RIMS1: variants seen among roughly 807,000 people sequenced by gnomAD.
RIMS1 encodes the protein regulating synaptic membrane exocytosis 1.
A neutral mutation model predicts 214.1 loss-of-function variants in RIMS1; 83 were observed. The ratio of observed to expected loss-of-function variants is 0.39; its 90% CI spans 0.32 to 0.47. The LOEUF (loss-of-function observed/expected upper bound fraction) is 0.47, where lower values mean the gene tolerates loss of function less well. Among genes scored for constraint, RIMS1 ranks in the 20% least tolerant of loss-of-function variants. The pLI is 0.99. For missense variants in RIMS1, 2,050 were observed against 2,161.8 expected (o/e 0.95, Z 1.03); for synonymous variants, 793 against 786.8 (o/e 1.01, Z -0.13).
At chr6:71,917,948 C>G (rs962414129) in intron 1 of RIMS1, among the ~76,000 whole-genome samples, 4 of 152,108 alleles carry the variant, frequency 2.6e-5, no homozygotes, top group African/African-American at 9.7e-5. Flanking sequence ...ATGGTGTTCA[C>G]TTGGAGAGGA....
At chr6:71,938,071 C>T (rs897901518) in intron 1 of RIMS1, among the ~76,000 whole-genome samples, 1 of 152,180 alleles carries the variant, frequency 6.6e-6, no homozygotes, top group African/African-American at 2.4e-5. Context: ...TAAACATTCT[C>T]ATTCCAAAAG....
At position 72,359,786 on chromosome 6, in the gene RIMS1, G is replaced by A. The variant is rs181801116; in HGVS notation, c.4366+25951G>A. Among the ~76,000 whole-genome samples the A allele has an allele frequency of 4.0e-4, 61 of 152,226 alleles. 1 individual carries two copies. Among genetic ancestry groups the A allele is most frequent in the African/African-American group, 1.4e-3 (59 of 41,544 alleles). On this transcript the variant is annotated intron_variant, in intron 29 of 33. Coordinates refer to ENST00000521978, the MANE Select transcript of RIMS1 (RefSeq NM_014989.7). ...TAACACAACACATAAATCACAAAGT[G>A]CATCCCAAGTTTGAGTTTCAAAATA...
chr6:72,116,846 AT>A (rs1239566234), intron 4 of RIMS1, among the ~76,000 whole-genome samples: 1 of 152,018 alleles, frequency 6.6e-6, no homozygotes, highest in Non-Finnish European at 1.5e-5. Flanking sequence ...AATATCACCA[AT>A]TGTGGAGGCA....
chr6:72,222,258 T>G (rs1434311655), intron 6 of RIMS1, among the ~76,000 whole-genome samples: 1 of 152,068 alleles, frequency 6.6e-6, no homozygotes, highest in Non-Finnish European at 1.5e-5. Context: ...TTTAATTCAG[T>G]TACATAATTC....
intron 2 of RIMS1, among the ~76,000 whole-genome samples, chr6:71,998,184 T>C (rs1250438942): frequency 1.3e-5 from 2 of 152,142 alleles, no homozygotes. Context: ...TTTATCTACT[T>C]TATGTGGATT....
chr6:71,969,430 G>A (rs982236286), intron 2 of RIMS1, among the ~76,000 whole-genome samples: 1 of 152,128 alleles, frequency 6.6e-6, no homozygotes, highest in African/African-American at 2.4e-5. Context: ...GCTGAGTGGG[G>A]GCCAGTGTGT....
At position 71,886,907 on chromosome 6, in the gene RIMS1, C is replaced by T. The variant is rs551107714; in HGVS notation, c.-117C>T. Reference sequence around the variant, plus strand: ...GCTGCCGCCGCCGCCGCTGCTCCTCCTCCTGCCGCCGCCGCTAGGGCTCCG... The same window carrying T: ...GCTGCCGCCGCCGCCGCTGCTCCTCTTCCTGCCGCCGCCGCTAGGGCTCCG... On this transcript the variant is annotated 5_prime_UTR_variant, in exon 1 of 34. Transcript: ENST00000521978. The T allele has an allele frequency of 6.9e-5, 86 of 1,240,982 alleles. No individual in the cohort carries two copies. The African/African-American group carries it at 1.2e-3, about 17-fold the overall frequency. The allele number at this position is 1,240,982 out of a possible 1,614,324, so 76.9% of individuals were successfully genotyped here.
chr6:72,333,950 A>G (rs2096755196), intron 29 of RIMS1, 115 bp downstream of exon 29: 1 of 763,778 alleles, frequency 1.3e-6, no homozygotes, highest in Non-Finnish European at 2.1e-6. Flanking sequence ...CTTTGAAAAG[A>G]AAATTTATTT....
chr6:71,910,622 C>A (rs1024225306), intron 1 of RIMS1, among the ~76,000 whole-genome samples: 3 of 152,058 alleles, frequency 2.0e-5, no homozygotes, highest in Non-Finnish European at 4.4e-5. Flanking sequence ...TTTAGAGATA[C>A]TTCATATATG....
At chr6:72,378,431 T>C (rs1181969653) in intron 29 of RIMS1, among the ~76,000 whole-genome samples, 1 of 152,224 alleles carries the variant, frequency 6.6e-6, no homozygotes, top group Non-Finnish European at 1.5e-5. Context: ...CTTTGTGACC[T>C]AAAACCCTCT....
intron 2 of RIMS1, among the ~76,000 whole-genome samples, chr6:72,091,588 A>G (rs1167431261): frequency 6.6e-6 from 1 of 152,170 alleles, no homozygotes; most frequent in Non-Finnish European, 1.5e-5. Context: ...TTTCTTTTGA[A>G]ATATATGCTA....
At chr6:72,204,472 G>T (rs186887495) in intron 6 of RIMS1, among the ~76,000 whole-genome samples, 14 of 152,242 alleles carry the variant, frequency 9.2e-5, no homozygotes, top group Admixed American at 7.9e-4. Context: ...TTTATTTCCT[G>T]TATTTCACAC....
chr6:71,898,353 C>T (rs949291639), intron 1 of RIMS1, among the ~76,000 whole-genome samples: 6 of 151,988 alleles, frequency 3.9e-5, no homozygotes, highest in Non-Finnish European at 8.8e-5. Flanking sequence ...AAAAGGATAC[C>T]TCAGTTAAGC....
intron 8 of RIMS1, among the ~76,000 whole-genome samples, chr6:72,236,881 C>T (rs980370752): frequency 3.3e-5 from 5 of 151,644 alleles, no homozygotes; most frequent in Non-Finnish European, 7.4e-5. Flanking sequence ...CCACTGACAG[C>T]GGGTTGGACA....
At chr6:71,901,763 C>T (rs1773696714) in intron 1 of RIMS1, among the ~76,000 whole-genome samples, 1 of 152,118 alleles carries the variant, frequency 6.6e-6, no homozygotes, top group African/African-American at 2.4e-5. Context: ...GTGCATTTCA[C>T]TGTATTTAAA....
intron 4 of RIMS1, among the ~76,000 whole-genome samples, chr6:72,179,231 A>G (rs573525726): frequency 6.6e-5 from 10 of 152,168 alleles, no homozygotes; most frequent in Non-Finnish European, 1.0e-4. Flanking sequence ...CATTTTTCTA[A>G]TCAGTTAACT....
At chr6:72,045,658 A>C (rs1448990384) in intron 2 of RIMS1, among the ~76,000 whole-genome samples, 2 of 152,000 alleles carry the variant, frequency 1.3e-5, no homozygotes, top group Admixed American at 6.6e-5. Flanking sequence ...CCACAGATGC[A>C]TAGGACATCG....
At chr6:72,398,139 T>C in intron 31 of RIMS1, 110 bp from the exon 32 acceptor site, 1 of 635,770 alleles carries the variant, frequency 1.6e-6, no homozygotes, top group East Asian at 2.8e-5. Context: ...TAGTTTCTTA[T>C]CAAAATCATG....
At chr6:72,086,896 C>G (rs1449615577) in intron 2 of RIMS1, among the ~76,000 whole-genome samples, 2 of 152,156 alleles carry the variant, frequency 1.3e-5, no homozygotes, top group Non-Finnish European at 2.9e-5. Context: ...TGATGGAAAC[C>G]ATCGGCAGGA....
Sources: allele counts gnomAD v4.1 joint callset (sites outside exome capture counted in the v4.1 genomes callset), GRCh38; gene constraint gnomAD v4.1.1; transcripts MANE v1.5; gene names NCBI Gene and HGNC (gene_info 2026-07-23, HGNC 2026-07-21).